CECR2: variants seen among roughly 807,000 people sequenced by gnomAD.
CECR2 encodes the protein CECR2 histone acetyl-lysine reader, also known as chromatin remodeling regulator CECR2.
In CECR2, 30 loss-of-function variants were observed where a neutral mutation model predicts 154.5. The ratio of observed to expected loss-of-function variants is 0.19; its 90% CI spans 0.15 to 0.26. The LOEUF (loss-of-function observed/expected upper bound fraction) is 0.26. CECR2 is among the 10% of genes least tolerant of loss of function. CECR2 has a pLI of 1.00. For missense variants in CECR2, 1,743 were observed against 1,829.3 expected, an observed-to-expected ratio of 0.95 and a Z score of 0.86; for synonymous variants, 725 against 683.7, an observed-to-expected ratio of 1.06 and a Z score of -0.94.
intron 1 of CECR2, among the ~76,000 whole-genome samples, chr22:17,411,520 C>T (rs1020705697): frequency 5.3e-5 from 8 of 152,090 alleles, no homozygotes; most frequent in South Asian, 4.2e-4. Context: ...CGGGCTGGGT[C>T]GGATAGATTT....
At chr22:17,375,343 G>A (rs1365678424) in intron 1 of CECR2, among the ~76,000 whole-genome samples, 2 of 151,848 alleles carry the variant, frequency 1.3e-5, no homozygotes, top group African/African-American at 4.8e-5. Context: ...TCGAACTCCC[G>A]ACCTCAGGTG....
At chr22:17,541,039 C>T (rs1299608088) in intron 14 of CECR2, among the ~76,000 whole-genome samples, 1 of 152,238 alleles carries the variant, frequency 6.6e-6, no homozygotes, top group Non-Finnish European at 1.5e-5. Context: ...CTGCCTCAGC[C>T]TCCCAAAGTG....
chr22:17,523,854 GTAAAT>G (rs904984449), intron 8 of CECR2, among the ~76,000 whole-genome samples: 1 of 151,280 alleles, frequency 6.6e-6, no homozygotes, highest in Non-Finnish European at 1.5e-5. Context: ...CTTCTCTCCA[GTAAAT>G]TATCCATAAG....
chr22:17,448,915 T>C (rs1416598048), intron 1 of CECR2, among the ~76,000 whole-genome samples: 1 of 152,154 alleles, frequency 6.6e-6, no homozygotes, highest in African/African-American at 2.4e-5. Flanking sequence ...AGTCTCGCTC[T>C]GTCGCCCAGG....
At chr22:17,528,318 A>G (rs2056298769) in intron 9 of CECR2, among the ~76,000 whole-genome samples, 1 of 152,196 alleles carries the variant, frequency 6.6e-6, no homozygotes, top group African/African-American at 2.4e-5. Context: ...AAAGACAAAC[A>G]TTGGATATTC....
At position 17,540,448 on chromosome 22, in the gene CECR2, T is replaced by A; in HGVS notation, c.1532T>A (p.Phe511Tyr). ...ATGTCTGATAATTTAGAGAGGTGTT[T>A]CCATCGGGCAATGATGAAACATTTT... ...TKMSDNLERC[F>Y]HRAMMKHFPG... The change falls in exon 14 of 19, where the codon TTC becomes TAC. Residue 511 changes from phenylalanine (F) to tyrosine (Y), a missense_variant. Physicochemically the swap from Phe to Tyr is conservative, Grantham distance 22. Coordinates refer to ENST00000262608, the MANE Select transcript of CECR2 (RefSeq NM_001290047.2). 2.5e-6 allele frequency: 4 copies of A among 1,575,298 alleles called. No individual in the cohort carries two copies. Among genetic ancestry groups the A allele is most frequent in the Non-Finnish European group, 3.5e-6 (4 of 1,159,182 alleles).
At chr22:17,502,582 T>C (rs1235697303) in intron 5 of CECR2, among the ~76,000 whole-genome samples, 1 of 152,178 alleles carries the variant, frequency 6.6e-6, no homozygotes, top group Non-Finnish European at 1.5e-5. Flanking sequence ...GGCAGGCAGA[T>C]CATGAGGTCA....
intron 8 of CECR2, among the ~76,000 whole-genome samples, chr22:17,523,673 G>A (rs142023857): frequency 0.022 from 3,244 of 149,052 alleles, 115 homozygotes; most frequent in African/African-American, 0.077. Flanking sequence ...GGAGAATGGC[G>A]TGAACCCGGG....
Position 17,540,664 on chromosome 22 carries a change from C to T in CECR2, c.1748C>T (p.Ala583Val). 3.7e-6 allele frequency: 6 copies of T among 1,613,960 alleles called. No individual in the cohort carries two copies. Among genetic ancestry groups the T allele is most frequent in the Middle Eastern group, 1.7e-4 (1 of 6,060 alleles). The change falls in exon 14 of 19, where the codon GCG becomes GTG. Residue 583 changes from alanine (A) to valine (V), a missense_variant. This residue lies in a region of CECR2 where 1,250 missense variants were observed against 1,192.1 expected (regional missense o/e 1.05). Transcript: ENST00000262608. ...GGKSLPPTRRAPSSGDDQSSS... is the reference protein window; with the variant it reads ...GGKSLPPTRRVPSSGDDQSSS... ...AAGTCGTTGCCCCCCACACGCCGAG[C>T]GCCCTCTTCTGGGGACGATCAGAGC...
intron 7 of CECR2, among the ~76,000 whole-genome samples, chr22:17,507,134 A>G (rs1212718987): frequency 6.6e-6 from 1 of 152,204 alleles, no homozygotes; most frequent in African/African-American, 2.4e-5. Flanking sequence ...CAGGGAGGCA[A>G]ACATGTCAAA....
intron 10 of CECR2, among the ~76,000 whole-genome samples, chr22:17,537,611 T>TA (rs2056457118): frequency 6.6e-6 from 1 of 152,256 alleles, no homozygotes; most frequent in Admixed American, 6.5e-5. Context: ...AAGAGGCAGA[T>TA]ACACATTCAG....
chr22:17,530,205 T>G (rs1026326374), intron 9 of CECR2, among the ~76,000 whole-genome samples: 3 of 151,914 alleles, frequency 2.0e-5, no homozygotes, highest in African/African-American at 7.3e-5. Flanking sequence ...AATGTTACAT[T>G]ACCCATACTT....
intron 2 of CECR2, among the ~76,000 whole-genome samples, chr22:17,493,441 C>T (rs2146854995): frequency 6.6e-6 from 1 of 152,246 alleles, no homozygotes; most frequent in Non-Finnish European, 1.5e-5. Flanking sequence ...TTCCTGAAGC[C>T]TTTTTATTTC....
At chr22:17,443,300 C>G (rs1025363784) in intron 1 of CECR2, among the ~76,000 whole-genome samples, 1 of 151,972 alleles carries the variant, frequency 6.6e-6, no homozygotes, top group Non-Finnish European at 1.5e-5. Flanking sequence ...TTGCTCTGGG[C>G]GATTTCTCTA....
chr22:17,557,657 G>A lies in CECR2; in HGVS notation c.*4817G>A, dbSNP rs758507650. 1.6e-5 allele frequency: 2 copies of A among 123,098 alleles called. No individual in the cohort carries two copies. The highest frequency in any genetic ancestry group is 3.2e-5 in the Non-Finnish European group (2 of 62,676). 7.6% of individuals were successfully genotyped at this position (123,098 alleles called of 1,614,324 possible). On this transcript the variant is annotated 3_prime_UTR_variant, in exon 19 of 19. Coordinates refer to ENST00000262608, the MANE Select transcript of CECR2 (RefSeq NM_001290047.2). ...GCAGTTGATTGTCCTTGCTTGTGTTGTTGACAGGGGTGGGTGGGGTGGGAG... is the reference window on the plus strand; with the variant it reads ...GCAGTTGATTGTCCTTGCTTGTGTTATTGACAGGGGTGGGTGGGGTGGGAG...
intron 1 of CECR2, among the ~76,000 whole-genome samples, chr22:17,425,827 A>G (rs12628070): frequency 0.067 from 10,200 of 152,198 alleles, 923 homozygotes; most frequent in East Asian, 0.36. Flanking sequence ...GATGGTGGTG[A>G]GAATAAAGAA....
intron 1 of CECR2, among the ~76,000 whole-genome samples, chr22:17,413,969 G>T (rs987034113): frequency 2.2e-5 from 3 of 139,394 alleles, no homozygotes; most frequent in Admixed American, 7.4e-5. Flanking sequence ...GAACCACCGC[G>T]CCCGGCCTAT....
At chr22:17,435,339 TTGACA>T (rs1423029579) in intron 1 of CECR2, among the ~76,000 whole-genome samples, 1 of 152,192 alleles carries the variant, frequency 6.6e-6, no homozygotes, top group Non-Finnish European at 1.5e-5. Flanking sequence ...TCTTTTCAGA[TTGACA>T]GTCCATGAAC....
At position 17,427,094 on chromosome 22, in the gene CECR2, AGT is replaced by A. The variant is rs1226373503; in HGVS notation, c.127-50492_127-50491del. Among the ~76,000 whole-genome samples, 8 of 151,834 alleles carry A rather than the reference AGT, an allele frequency of 5.3e-5. No homozygotes were observed. In the East Asian group the frequency reaches 1.5e-3, roughly 29 times the overall value. On this transcript the variant is annotated intron_variant, in intron 1 of 18. Transcript: ENST00000262608. ...TCTCATTGTTCAATTCCAACCTAAG[AGT>A]GAGAATATGCAGTGTTTGGTTTTCT...
Sources: allele counts gnomAD v4.1 joint callset (sites outside exome capture counted in the v4.1 genomes callset), GRCh38; gene constraint gnomAD v4.1.1; regional missense constraint gnomAD v4.1.1; transcripts MANE v1.5; gene names NCBI Gene and HGNC (gene_info 2026-07-23, HGNC 2026-07-21).